PIANP: variants seen among roughly 807,000 people sequenced by gnomAD.
PIANP encodes PILR alpha associated neural protein.
PIANP carries 14 observed loss-of-function variants against 28.9 expected under a neutral mutation model. The observed-to-expected ratio is 0.49, with a 90% CI of 0.32 to 0.76. The LOEUF (loss-of-function observed/expected upper bound fraction) is 0.76, where lower values mean the gene tolerates loss of function less well. Among genes scored for constraint, PIANP ranks in the 30% least tolerant of loss-of-function variants. The probability of loss-of-function intolerance (pLI) is 0.03; values close to 1 mark genes in which losing one functional copy is unlikely to be tolerated. For missense variants in PIANP, 322 were observed against 371.8 expected (o/e 0.87, Z 1.10); for synonymous variants, 149 against 156.6 (o/e 0.95, Z 0.36).
rs1218957459 is a variant in PIANP at position 6,698,186 on chromosome 12, T to C, written c.-43-82A>G. The C allele has an allele frequency of 5.2e-6, 6 of 1,164,348 alleles. No individual in the cohort carries two copies. In the Admixed American group the frequency reaches 1.2e-4, roughly 23 times the overall value. 72.1% of individuals were successfully genotyped at this position (1,164,348 alleles called of 1,614,324 possible). Reference sequence around the variant, plus strand: ...AATTCATCCACCAATTCTACCCGCATCTGCCCTCCCAGGCCACCCAGCTGC... The same window carrying C: ...AATTCATCCACCAATTCTACCCGCACCTGCCCTCCCAGGCCACCCAGCTGC... On this transcript the variant is annotated intron_variant, in intron 1 of 4. Coordinates refer to ENST00000534837, the MANE Select transcript of PIANP (RefSeq NM_001244014.2).
Position 6,697,879 on chromosome 12 carries a change from G to C in PIANP, c.18-87C>G. 2 of 1,504,924 alleles carry C rather than the reference G, an allele frequency of 1.3e-6. No individual in the cohort carries two copies. The highest frequency in any genetic ancestry group is 8.9e-7 in the Non-Finnish European group (1 of 1,123,234). 93.2% of individuals were successfully genotyped at this position (1,504,924 alleles called of 1,614,324 possible). A position where few individuals can be genotyped will look rare whatever the true frequency, so the allele number is the denominator to read the frequency against. ...GACAGGTTCACACCAGAAACCTCCA[G>C]GTTTCCCTGTGAAAGCAGGTGGGCC... On this transcript the variant is annotated intron_variant, in intron 2 of 4. Coordinates refer to ENST00000534837, the MANE Select transcript of PIANP (RefSeq NM_001244014.2). This position sits in a 1 kb window ranked among gnomAD's most constrained non-coding sequence, Gnocchi z 6.9.
In PIANP at chr12:6,695,606, A is replaced by G; in HGVS notation, c.651T>C (p.Gly217=). The change falls in exon 5 of 5, where the codon GGT becomes GGC. Residue 217 remains glycine (G), a synonymous_variant. Coordinates refer to ENST00000534837, the MANE Select transcript of PIANP (RefSeq NM_001244014.2). The surrounding 1 kb of genome is among the most constrained non-coding windows in gnomAD (Gnocchi z 4.2). ...GCTGGCTCTCCTCCTGCCTCAGGGCACCTTGCTGCCCTGAGGGTCTGCGTC... is the reference window on the plus strand; with the variant it reads ...GCTGGCTCTCCTCCTGCCTCAGGGCGCCTTGCTGCCCTGAGGGTCTGCGTC... The part of the protein sequence containing the change: ...QKRRRPSGQQ[G]ALRQEESQQP... 6.3e-7 allele frequency: 1 copy of G among 1,583,420 alleles called. No individual in the cohort carries two copies. The highest frequency in any genetic ancestry group is 1.2e-5 in the South Asian group (1 of 85,554).
intron 1 of PIANP, 115 bp from the exon 2 acceptor site, chr12:6,698,219 G>A: frequency 1.2e-6 from 1 of 831,234 alleles, no homozygotes. Context: ...TGCCAGCTAT[G>A]CGGCTGCACC....
In PIANP at chr12:6,697,280, C is replaced by T; in HGVS notation, c.523+7G>A. On this transcript the variant is annotated splice_region_variant and intron_variant, in intron 3 of 4. Coordinates refer to ENST00000534837, the MANE Select transcript of PIANP (RefSeq NM_001244014.2). This position sits in a 1 kb window ranked among gnomAD's most constrained non-coding sequence, Gnocchi z 6.9. Reference sequence around the variant, plus strand: ...CCGTCATATCCCTCCCAGCCTTTCCCACTCACCTTCCCCACGGCCCCCGAA... The same window carrying T: ...CCGTCATATCCCTCCCAGCCTTTCCTACTCACCTTCCCCACGGCCCCCGAA... 1.9e-6 allele frequency: 3 copies of T among 1,613,466 alleles called. No homozygotes were observed. Among genetic ancestry groups the T allele is most frequent in the Non-Finnish European group, 1.7e-6 (2 of 1,179,722 alleles).
chr12:6,696,584 T>C lies in PIANP; in HGVS notation c.524-60A>G. 7.8e-7 allele frequency: 1 copy of C among 1,288,398 alleles called. No homozygotes were observed. The highest frequency in any genetic ancestry group is 1.1e-6 in the Non-Finnish European group (1 of 939,354). The allele number at this position is 1,288,398 out of a possible 1,614,324, so 79.8% of individuals were successfully genotyped here. On this transcript the variant is annotated intron_variant, in intron 3 of 4. Transcript: ENST00000534837. This position sits in a 1 kb window ranked among gnomAD's most constrained non-coding sequence, Gnocchi z 4.0. ...CGAGGTGGTAGGAGCCAAGAGGGGC[T>C]GGGGGCTGGGCTGTGGGCTCTGTCG...
Position 6,696,252 on chromosome 12 carries a change from C to T in PIANP, c.605+191G>A, listed in dbSNP as rs1304415185. 6.6e-6 allele frequency among the ~76,000 whole-genome samples: 1 copy of T among 152,158 alleles called. No homozygotes were observed. The highest frequency in any genetic ancestry group is 6.6e-5 in the Admixed American group (1 of 15,260). Reference sequence around the variant, plus strand: ...CTTATCCTTGTATTTCCCTGGGAGACAGAATCTGCCCTGATTTCTCACCGT... The same window carrying T: ...CTTATCCTTGTATTTCCCTGGGAGATAGAATCTGCCCTGATTTCTCACCGT... On this transcript the variant is annotated intron_variant, in intron 4 of 4. Coordinates refer to ENST00000534837, the MANE Select transcript of PIANP (RefSeq NM_001244014.2). This position sits in a 1 kb window ranked among gnomAD's most constrained non-coding sequence, Gnocchi z 4.0.
chr12:6,699,263 A>T (rs558543334), intron 1 of PIANP, among the ~76,000 whole-genome samples: 63 of 152,204 alleles, frequency 4.1e-4, no homozygotes, highest in African/African-American at 1.4e-3. Context: ...AAATAAATAA[A>T]TCTGCCCATT....
Position 6,695,151 on chromosome 12 carries a change from G to A in PIANP, c.*275C>T, listed in dbSNP as rs1959812261. ...GACAAAGAGGGGGAATCAAGGTTAA[G>A]AGGGCAGAGTTGTCTTAGACAAGGT... is the stretch of plus-strand genomic sequence containing the variant. On this transcript the variant is annotated 3_prime_UTR_variant, in exon 5 of 5. Transcript: ENST00000534837. This position sits in a 1 kb window ranked among gnomAD's most constrained non-coding sequence, Gnocchi z 4.2. The A allele has an allele frequency of 9.3e-6, 14 of 1,508,454 alleles. No homozygotes were observed. The South Asian group carries it at 1.8e-4, about 20-fold the overall frequency. 93.4% of individuals were successfully genotyped at this position (1,508,454 alleles called of 1,614,324 possible). A position where few individuals can be genotyped will look rare whatever the true frequency, so the allele number is the denominator to read the frequency against.
intron 1 of PIANP, among the ~76,000 whole-genome samples, chr12:6,698,869 G>A (rs943936639): frequency 6.6e-6 from 1 of 152,212 alleles, no homozygotes; most frequent in African/African-American, 2.4e-5. Flanking sequence ...TCTCAGAGCT[G>A]AGGGTGGTGG....
rs748718443 is a variant in PIANP, at chr12:6,695,450, A to G, written c.807T>C (p.Ala269=). 2.0e-6 allele frequency: 3 copies of G among 1,497,154 alleles called. No homozygotes were observed. The highest frequency in any genetic ancestry group is 2.7e-6 in the Non-Finnish European group (3 of 1,123,068). 92.7% of individuals were successfully genotyped at this position (1,497,154 alleles called of 1,614,324 possible). A position where few individuals can be genotyped will look rare whatever the true frequency, so the allele number is the denominator to read the frequency against. ...PRPGMPHPKG[A]PAFQLNR The stretch of plus-strand genomic sequence containing the variant: ...CTCACCGGTTCAACTGGAAGGCTGG[A>G]GCCCCCTTGGGGTGGGGCATCCCAG... Residue 269 remains alanine (A), a synonymous_variant, in exon 5 of 5, where the codon GCT becomes GCC. Coordinates refer to ENST00000534837, the MANE Select transcript of PIANP (RefSeq NM_001244014.2). The surrounding 1 kb of genome is among the most constrained non-coding windows in gnomAD (Gnocchi z 4.2).
chr12:6,695,680 T>C lies in PIANP; in HGVS notation c.606-29A>G. 1 of 1,457,816 alleles carries C rather than the reference T, an allele frequency of 6.9e-7. No individual in the cohort carries two copies. Among genetic ancestry groups the C allele is most frequent in the Admixed American group, 2.4e-5 (1 of 40,982 alleles). The allele number at this position is 1,457,816 out of a possible 1,614,324, so 90.3% of individuals were successfully genotyped here. ...GGGTACCAGAGGAAAAGAGGTTCTC[T>C]TGCACACTCAAGTAGCCCCCATCCT... On this transcript the variant is annotated intron_variant, in intron 4 of 4. Transcript: ENST00000534837. The surrounding 1 kb of genome is among the most constrained non-coding windows in gnomAD (Gnocchi z 4.2).
downstream of PIANP, among the ~76,000 whole-genome samples, chr12:6,692,316 A>G (rs1810982847): frequency 6.6e-6 from 1 of 152,218 alleles, no homozygotes. Flanking sequence ...GCCACGGGTC[A>G]CACTGTCCCT....
At position 6,695,355 on chromosome 12, in the gene PIANP, G is replaced by T; in HGVS notation, c.*71C>A. 7.1e-7 allele frequency: 1 copy of T among 1,402,864 alleles called. No individual in the cohort carries two copies. The highest frequency in any genetic ancestry group is 1.5e-5 in the African/African-American group (1 of 68,796). 86.9% of individuals were successfully genotyped at this position (1,402,864 alleles called of 1,614,324 possible). On this transcript the variant is annotated 3_prime_UTR_variant, in exon 5 of 5. Transcript: ENST00000534837. This position sits in a 1 kb window ranked among gnomAD's most constrained non-coding sequence, Gnocchi z 4.2. ...TGCCTCCTCACTACCCATCCAGAGG[G>T]CACCCCCACCCCAGCTCTGAAGACC...
chr12:6,695,285 G>A lies in PIANP; in HGVS notation c.*141C>T. On this transcript the variant is annotated 3_prime_UTR_variant, in exon 5 of 5. Transcript: ENST00000534837. This position sits in a 1 kb window ranked among gnomAD's most constrained non-coding sequence, Gnocchi z 4.2. ...GAAGGGTGCCTCCCAGAGAGGAGCT[G>A]GTCCAGCCCCCTTGGGAGGGCCAGG... is the stretch of plus-strand genomic sequence containing the variant. 1 of 1,407,184 alleles carries A rather than the reference G, an allele frequency of 7.1e-7. No individual in the cohort carries two copies. Among genetic ancestry groups the A allele is most frequent in the Non-Finnish European group, 9.3e-7 (1 of 1,075,184 alleles). The allele number at this position is 1,407,184 out of a possible 1,614,324, so 87.2% of individuals were successfully genotyped here.
At chr12:6,698,174 A>G in intron 1 of PIANP, 70 bp from the exon 2 acceptor site, 8 of 1,279,712 alleles carry the variant, frequency 6.3e-6, no homozygotes, top group South Asian at 1.3e-5. Context: ...TCATCCACCA[A>G]TTCTACCCGC....
In PIANP at chr12:6,700,345, C is replaced by T. The variant is rs1228061703; in HGVS notation, c.-44+269G>A. 6.6e-6 allele frequency: 1 copy of T among 152,302 alleles called. No individual in the cohort carries two copies. The highest frequency in any genetic ancestry group is 2.4e-5 in the African/African-American group (1 of 41,444). 9.4% of individuals were successfully genotyped at this position (152,302 alleles called of 1,614,324 possible). ...GGAGTGCCGAGAGCGGACTGGGGAC[C>T]CGAAGCAGGAGACTGCGCGGAGCCG... On this transcript the variant is annotated intron_variant, in intron 1 of 4. Coordinates refer to ENST00000534837, the MANE Select transcript of PIANP (RefSeq NM_001244014.2). This position sits in a 1 kb window ranked among gnomAD's most constrained non-coding sequence, Gnocchi z 5.5.
In PIANP at chr12:6,696,777, C is replaced by CA. The variant is rs1959877186; in HGVS notation, c.524-254dup. ...TGTATATGTGATGAGGATGAGGCCC[C>CA]ATGATCAGCGAGAACCTATCACTAT... On this transcript the variant is annotated intron_variant, in intron 3 of 4. Coordinates refer to ENST00000534837, the MANE Select transcript of PIANP (RefSeq NM_001244014.2). The surrounding 1 kb of genome is among the most constrained non-coding windows in gnomAD (Gnocchi z 4.0). 6.6e-6 allele frequency among the ~76,000 whole-genome samples: 1 copy of CA among 152,168 alleles called. No homozygotes were observed.
rs766906348 is a variant in PIANP, at chr12:6,696,572, G to A, written c.524-48C>T. On this transcript the variant is annotated intron_variant, in intron 3 of 4. Transcript: ENST00000534837. The surrounding 1 kb of genome is among the most constrained non-coding windows in gnomAD (Gnocchi z 4.0). ...TTTAGGGAGCCCCGAGGTGGTAGGAGCCAAGAGGGGCTGGGGGCTGGGCTG... is the reference window on the plus strand; with the variant it reads ...TTTAGGGAGCCCCGAGGTGGTAGGAACCAAGAGGGGCTGGGGGCTGGGCTG... 3 of 1,383,908 alleles carry A rather than the reference G, an allele frequency of 2.2e-6. No individual in the cohort carries two copies. The highest frequency in any genetic ancestry group is 2.0e-6 in the Non-Finnish European group (2 of 1,016,330). The allele number at this position is 1,383,908 out of a possible 1,614,324, so 85.7% of individuals were successfully genotyped here.
rs1042692401 is a variant in PIANP, at chr12:6,700,750, C to G, written c.-180G>C. ...GCAGGGCGCTGGAGCGGGTGGGGGG[C>G]GGGCGCCTGGGGCGCGGGGCGGCGG... On this transcript the variant is annotated 5_prime_UTR_variant, in exon 1 of 5. Transcript: ENST00000534837. The surrounding 1 kb of genome is among the most constrained non-coding windows in gnomAD (Gnocchi z 5.5). 9.7e-6 allele frequency: 1 copy of G among 103,340 alleles called. No homozygotes were observed. The highest frequency in any genetic ancestry group is 2.1e-5 in the Non-Finnish European group (1 of 46,962). The allele number at this position is 103,340 out of a possible 1,614,324, so 6.4% of individuals were successfully genotyped here. A position where few individuals can be genotyped will look rare whatever the true frequency, so the allele number is the denominator to read the frequency against.
Sources: gnomAD v4.1 joint callset for allele counts (sites outside exome capture counted in the v4.1 genomes callset) on GRCh38, gnomAD v4.1.1 for gene constraint, Gnocchi (gnomAD v3.1) non-coding constraint, MANE v1.5 for transcripts, NCBI Gene and HGNC (gene_info 2026-07-23, HGNC 2026-07-21) for gene names.